The following INF2 variants were observed in gnomAD, a reference collection of about 807,000 sequenced individuals.
INF2 encodes the protein inverted formin 2, also known as inverted formin-2.
INF2 carries 43 observed loss-of-function variants against 123.5 expected under a neutral mutation model. The ratio of observed to expected loss-of-function variants is 0.35; its 90% CI spans 0.27 to 0.45. INF2 has a LOEUF of 0.45. INF2 is among the 20% of genes least tolerant of loss of function. The probability of loss-of-function intolerance (pLI) is 1.00; values close to 1 mark genes in which losing one functional copy is unlikely to be tolerated. For missense variants in INF2, 1,453 were observed against 1,682.7 expected (o/e 0.86, Z 2.39); for synonymous variants, 851 against 745.0 (o/e 1.14, Z -2.32).
At chr14:104,689,512 TC>T (rs1215667491), upstream of INF2, 78 of 35,030 alleles carry the variant, frequency 2.2e-3, no homozygotes, top group Non-Finnish European at 2.8e-3. Flanking sequence ...GCCACCCACC[TC>T]CCCCCCCAGG....
chr14:104,715,365 G>C, intron 22 of INF2, 25 bp downstream of exon 22: 1 of 1,607,492 alleles, frequency 6.2e-7, no homozygotes, highest in Non-Finnish European at 8.5e-7. Flanking sequence ...GGCGCTCCGT[G>C]GGGGCTAACA....
At chr14:104,706,269 C>A (rs1297955314) in intron 6 of INF2, 93 bp downstream of exon 6, 1 of 1,316,182 alleles carries the variant, frequency 7.6e-7, no homozygotes, top group Non-Finnish European at 1.0e-6. Flanking sequence ...CCTCCCTGCC[C>A]TGGTCAGACC....
intron 1 of INF2, among the ~76,000 whole-genome samples, chr14:104,682,591 G>A (rs1415023711): frequency 1.3e-5 from 2 of 152,172 alleles, no homozygotes; most frequent in Admixed American, 1.3e-4. Context: ...TGCAGGCCAG[G>A]TGAGGGGAGA....
Position 104,715,281 on chromosome 14 carries a change from C to G in INF2, c.3695-3C>G. The G allele has an allele frequency of 1.2e-6, 2 of 1,613,558 alleles. No homozygotes were observed. The highest frequency in any genetic ancestry group is 8.5e-7 in the Non-Finnish European group (1 of 1,179,680). On this transcript the variant is annotated splice_region_variant and splice_polypyrimidine_tract_variant and intron_variant, in intron 21 of 22. Transcript: ENST00000392634. ...TGAGTGCGTTTCTTTTATTTGGAAG[C>G]AGAGGTTCCCCCTGATTCTGATGAT...
chr14:104,710,602 C>T (rs1890006589), intron 13 of INF2: 1 of 513,722 alleles, frequency 1.9e-6, no homozygotes, highest in Non-Finnish European at 3.5e-6. Context: ...CACACACACC[C>T]TCACATACAT....
upstream of INF2, among the ~76,000 whole-genome samples, chr14:104,687,460 C>CCACACACA (rs5811148): frequency 1.3e-5 from 2 of 149,400 alleles, no homozygotes; most frequent in South Asian, 4.3e-4. The surrounding 1 kb of genome is among the most constrained non-coding windows in gnomAD (Gnocchi z 5.6). Context: ...GGCCTCCACT[C>CCACACACA]CACACACACA....
At chr14:104,690,152 G>A (rs1183825681) in intron 1 of INF2, 2 of 152,216 alleles carry the variant, frequency 1.3e-5, no homozygotes, top group Non-Finnish European at 2.9e-5. Flanking sequence ...GGTGCGCGCC[G>A]GCCTGCGGCC....
chr14:104,689,523 GCCCCGC>G, upstream of INF2: 1 of 329,948 alleles, frequency 3.0e-6, no homozygotes, highest in Non-Finnish European at 4.1e-6. Flanking sequence ...CCCCCCCCAG[GCCCCGC>G]CCCCGGCCCG....
rs555017977 is a variant in INF2, at chr14:104,713,088, C to T, written c.2775+96C>T. ...CAGGATGGGCAGAGGCACCTTTCGT[C>T]GGGCCGACACAGCCATGTGGGCCCT... On this transcript the variant is annotated intron_variant, in intron 18 of 22. Coordinates refer to ENST00000392634, the MANE Select transcript of INF2 (RefSeq NM_022489.4). The T allele has an allele frequency of 1.6e-5, 25 of 1,606,914 alleles. 2 individuals carry two copies. The highest frequency in any genetic ancestry group is 1.4e-4 in the South Asian group (13 of 90,838).
intron 17 of INF2, 57 bp from the exon 18 acceptor site, chr14:104,712,771 C>A: frequency 6.5e-7 from 1 of 1,538,958 alleles, no homozygotes; most frequent in South Asian, 1.2e-5. Context: ...CAGGGCCTCA[C>A]CCCGGGTGGT....
At chr14:104,697,888 G>GGC (rs879645281) in intron 1 of INF2, among the ~76,000 whole-genome samples, 1 of 126,762 alleles carries the variant, frequency 7.9e-6, no homozygotes, top group African/African-American at 3.2e-5. Context: ...GTGGACTGCC[G>GGC]GGGGGGGTGG....
chr14:104,689,587 T>TCCA, upstream of INF2: 3 of 851,066 alleles, frequency 3.5e-6, no homozygotes, highest in Non-Finnish European at 4.2e-6. Flanking sequence ...CACCTCCTCT[T>TCCA]CCTCCCGCCC....
At chr14:104,708,237 C>T in intron 8 of INF2, 199 bp from the exon 9 acceptor site, 1 of 870,868 alleles carries the variant, frequency 1.1e-6, no homozygotes, top group South Asian at 1.7e-5. Context: ...GCCAGTGCAT[C>T]TGGGGTGCCA....
chr14:104,711,840 A>G (rs1890063092), intron 16 of INF2, 141 bp downstream of exon 16: 3 of 732,522 alleles, frequency 4.1e-6, no homozygotes, highest in Admixed American at 2.4e-5. Flanking sequence ...GCCCAATAGA[A>G]CACTTCCCTT....
Position 104,706,944 on chromosome 14 carries a change from C to T in INF2, c.878C>T (p.Ser293Leu), listed in dbSNP as rs757277927. 3.7e-6 allele frequency: 6 copies of T among 1,603,398 alleles called. No individual in the cohort carries two copies. The Admixed American group carries it at 5.0e-5, about 13-fold the overall frequency. Reference protein sequence around the residue: ...SCSPVSAQLLSVLQGLLHLEP... With the variant: ...SCSPVSAQLLLVLQGLLHLEP... ...TCCCCGGTGTCTGCCCAGCTCCTGT[C>T]GGTGCTGCAGGGCCTCCTGCACCTG... Residue 293 changes from serine (S) to leucine (L), a missense_variant, in exon 7 of 23, where the codon TCG (serine) becomes TTG (leucine). Ser to Leu is a moderately radical substitution (Grantham distance 145, BLOSUM62 -2). Transcript: ENST00000392634.
intron 4 of INF2, 82 bp downstream of exon 4, chr14:104,703,536 T>C: frequency 6.4e-7 from 1 of 1,567,928 alleles, no homozygotes; most frequent in Non-Finnish European, 8.7e-7. Context: ...CCTGGGGAGG[T>C]GGGAGCGCCA....
intron 10 of INF2, 119 bp downstream of exon 10, chr14:104,708,851 C>A: frequency 9.3e-7 from 1 of 1,078,782 alleles, no homozygotes; most frequent in Non-Finnish European, 1.4e-6. Context: ...ACTGCATCCC[C>A]TAGGCAGGAT....
chr14:104,712,687 G>A (rs906951370), intron 17 of INF2, 134 bp downstream of exon 17: 17 of 1,502,474 alleles, frequency 1.1e-5, no homozygotes, highest in Non-Finnish European at 1.5e-5. Context: ...CATGGTCAGG[G>A]CACAGGCCCC....
At position 104,718,851 on chromosome 14, in the gene INF2, C is replaced by T; in HGVS notation, c.*58C>T. The T allele has an allele frequency of 1.9e-6, 3 of 1,609,412 alleles. No homozygotes were observed. Among genetic ancestry groups the T allele is most frequent in the Non-Finnish European group, 2.5e-6 (3 of 1,178,582 alleles). On this transcript the variant is annotated 3_prime_UTR_variant, in exon 23 of 23. Coordinates refer to ENST00000392634, the MANE Select transcript of INF2 (RefSeq NM_022489.4). ...GAGCCCAGGCCACAGGACATGCTGC[C>T]ATTCTGCCAAGAGAGGCTCTTCTGG...
Sources: gnomAD v4.1 joint callset for allele counts (sites outside exome capture counted in the v4.1 genomes callset) on GRCh38, gnomAD v4.1.1 for gene constraint, Gnocchi (gnomAD v3.1) non-coding constraint, MANE v1.5 for transcripts, NCBI Gene and HGNC (gene_info 2026-07-23, HGNC 2026-07-21) for gene names.